MGMT: variants seen among roughly 807,000 people sequenced by gnomAD.
MGMT encodes the protein O-6-methylguanine-DNA methyltransferase, also known as methylated-DNA--protein-cysteine methyltransferase.
MGMT carries 14 observed loss-of-function variants against 15.9 expected under a neutral mutation model. The observed-to-expected ratio is 0.88, with a 90% confidence interval of 0.58 to 1.37. MGMT has a LOEUF of 1.37. Ranked by LOEUF, MGMT falls within the 40% of genes most tolerant of loss-of-function variation. MGMT has a pLI of 0.00. For missense variants in MGMT, 282 were observed against 268.1 expected (o/e 1.05, Z -0.36); for synonymous variants, 130 against 118.2 (o/e 1.10, Z -0.65).
intron 2 of MGMT, among the ~76,000 whole-genome samples, chr10:129,649,703 A>C (rs984227696): frequency 6.6e-6 from 1 of 152,212 alleles, no homozygotes; most frequent in African/African-American, 2.4e-5. Context: ...GGAAGATGTA[A>C]ATAAAGGAAT....
rs186746887 is a variant in MGMT, at chr10:129,731,616, G to A, written c.274+23573G>A. The stretch of plus-strand genomic sequence containing the variant: ...TCACCATTTTGGCCAGGCTGGTCTT[G>A]AACTCCTGATCTTGTGATCCACCTG... On this transcript the variant is annotated intron_variant, in intron 3 of 4. Coordinates refer to ENST00000651593, the MANE Select transcript of MGMT (RefSeq NM_002412.5). Among the ~76,000 whole-genome samples, 1,306 of 152,094 alleles carry A rather than the reference G, an allele frequency of 8.6e-3. 11 individuals are homozygous for A. The highest frequency in any genetic ancestry group is 0.029 in the African/African-American group (1,190 of 41,474).
intron 2 of MGMT, among the ~76,000 whole-genome samples, chr10:129,542,779 C>T (rs894218927): frequency 6.6e-6 from 1 of 152,156 alleles, no homozygotes; most frequent in Non-Finnish European, 1.5e-5. Context: ...AATGCCCTGG[C>T]GAGCCTGGAA....
intron 1 of MGMT, among the ~76,000 whole-genome samples, chr10:129,477,241 G>A (rs773078342): frequency 1.3e-5 from 2 of 152,132 alleles, no homozygotes; most frequent in East Asian, 1.9e-4. Flanking sequence ...CAGCCCCCAC[G>A]ATCTCTCTCT....
intron 1 of MGMT, among the ~76,000 whole-genome samples, chr10:129,507,691 A>G (rs569123235): frequency 6.6e-6 from 1 of 152,340 alleles, no homozygotes; most frequent in African/African-American, 2.4e-5. Flanking sequence ...GAGTGGGCCA[A>G]AATGACAAAT....
intron 2 of MGMT, among the ~76,000 whole-genome samples, chr10:129,571,165 A>G (rs1273042558): frequency 3.3e-5 from 5 of 152,202 alleles, no homozygotes; most frequent in African/African-American, 4.8e-5. Context: ...AAGTCATAAA[A>G]AATGAAGGAT....
chr10:129,478,412 T>A (rs1260392671), intron 1 of MGMT, among the ~76,000 whole-genome samples: 2 of 152,208 alleles, frequency 1.3e-5, no homozygotes, highest in African/African-American at 4.8e-5. Context: ...TTTAGGGGCC[T>A]TGCAAGACAT....
At chr10:129,737,793 G>A (rs986499534) in intron 3 of MGMT, among the ~76,000 whole-genome samples, 3 of 152,276 alleles carry the variant, frequency 2.0e-5, no homozygotes, top group African/African-American at 4.8e-5. Flanking sequence ...TCAGCTGCAG[G>A]TCTGTTGGAG....
intron 2 of MGMT, among the ~76,000 whole-genome samples, chr10:129,559,285 A>G (rs1422747798): frequency 6.6e-6 from 1 of 152,198 alleles, no homozygotes; most frequent in Non-Finnish European, 1.5e-5. Context: ...CAAATATTTA[A>G]TAAGAATGAA....
intron 3 of MGMT, among the ~76,000 whole-genome samples, chr10:129,729,532 C>T (rs977420398): frequency 7.9e-5 from 12 of 152,186 alleles, no homozygotes; most frequent in African/African-American, 2.9e-4. Context: ...CACTCAAAAT[C>T]CAGGCACAGC....
At chr10:129,617,673 A>G (rs904079376) in intron 2 of MGMT, among the ~76,000 whole-genome samples, 4 of 152,010 alleles carry the variant, frequency 2.6e-5, no homozygotes, top group Non-Finnish European at 4.4e-5. Context: ...CATTTCTCTA[A>G]TGATTAGTGA....
At chr10:129,762,894 C>T (rs1308316022) in intron 4 of MGMT, among the ~76,000 whole-genome samples, 1 of 152,112 alleles carries the variant, frequency 6.6e-6, no homozygotes, top group Admixed American at 6.5e-5. Context: ...TTGATTACAG[C>T]TTCTCGGTGT....
chr10:129,707,655 C>A (rs555597598), intron 2 of MGMT, among the ~76,000 whole-genome samples: 2 of 152,168 alleles, frequency 1.3e-5, no homozygotes, highest in Non-Finnish European at 2.9e-5. Flanking sequence ...GGTTGCCTTG[C>A]GCTGTGATGC....
At chr10:129,588,647 C>T (rs1308303051) in intron 2 of MGMT, among the ~76,000 whole-genome samples, 1 of 152,174 alleles carries the variant, frequency 6.6e-6, no homozygotes, top group Non-Finnish European at 1.5e-5. Context: ...AACCCTGGGT[C>T]CAGTCCTGCC....
intron 2 of MGMT, among the ~76,000 whole-genome samples, chr10:129,546,454 C>G (rs1195955823): frequency 6.6e-6 from 1 of 152,176 alleles, no homozygotes; most frequent in Admixed American, 6.5e-5. Context: ...TAAGAGGCTG[C>G]GAGCCCCCTC....
At chr10:129,547,947 C>T (rs1006311817) in intron 2 of MGMT, among the ~76,000 whole-genome samples, 3 of 152,194 alleles carry the variant, frequency 2.0e-5, no homozygotes, top group Non-Finnish European at 4.4e-5. Flanking sequence ...ATGTGTCGTC[C>T]GGTGAGGTCT....
intron 2 of MGMT, among the ~76,000 whole-genome samples, chr10:129,644,560 C>G (rs763173011): frequency 8.5e-5 from 13 of 152,198 alleles, no homozygotes; most frequent in South Asian, 8.3e-4. Context: ...GGGTTCCCCC[C>G]CTGAGGCCTG....
intron 1 of MGMT, among the ~76,000 whole-genome samples, chr10:129,482,074 T>C (rs978791171): frequency 2.0e-5 from 3 of 152,230 alleles, no homozygotes; most frequent in South Asian, 2.1e-4. Context: ...GCTTTAGGTG[T>C]GCTCACAGAT....
chr10:129,700,358 T>G (rs1284911944), intron 2 of MGMT: 1 of 152,140 alleles, frequency 6.6e-6, no homozygotes, highest in Non-Finnish European at 1.5e-5. Context: ...TTGCATGCGC[T>G]TTGTCAAACG....
At chr10:129,724,482 A>G (rs1217655801) in intron 3 of MGMT, among the ~76,000 whole-genome samples, 3 of 152,222 alleles carry the variant, frequency 2.0e-5, no homozygotes, top group South Asian at 2.1e-4. Context: ...ATAGGTATCT[A>G]TCTGTGTTTG....
Sources: allele counts gnomAD v4.1 joint callset (sites outside exome capture counted in the v4.1 genomes callset), GRCh38; gene constraint gnomAD v4.1.1; transcripts MANE v1.5; gene names NCBI Gene and HGNC (gene_info 2026-07-23, HGNC 2026-07-21).